The following GTF2E2 variants were observed in gnomAD, a reference collection of about 807,000 sequenced individuals.
GTF2E2 encodes the protein general transcription factor IIE subunit 2.
Under a neutral mutation model 40.5 loss-of-function variants are expected in GTF2E2, and 21 were observed. That is an observed-to-expected ratio of 0.52 (90% CI 0.37 to 0.75). The LOEUF (loss-of-function observed/expected upper bound fraction) is 0.75, where lower values mean the gene tolerates loss of function less well. GTF2E2 is among the 30% of genes least tolerant of loss of function. GTF2E2 has a pLI of 0.00. For missense variants in GTF2E2, 298 were observed against 338.4 expected (o/e 0.88, Z 0.94); for synonymous variants, 117 against 121.6 (o/e 0.96, Z 0.25).
At chr8:30,601,813 G>A (rs1829189145) in intron 6 of GTF2E2, among the ~76,000 whole-genome samples, 1 of 152,150 alleles carries the variant, frequency 6.6e-6, no homozygotes, top group Non-Finnish European at 1.5e-5. Context: ...AATGTACTTT[G>A]TATTTTCAGA....
At chr8:30,617,839 T>C (rs1800967683) in intron 3 of GTF2E2, among the ~76,000 whole-genome samples, 2 of 152,068 alleles carry the variant, frequency 1.3e-5, no homozygotes, top group South Asian at 4.2e-4. Flanking sequence ...GGACAGACCT[T>C]GAATGACGAC....
intron 6 of GTF2E2, among the ~76,000 whole-genome samples, chr8:30,602,491 G>A (rs1288797434): frequency 6.6e-6 from 1 of 152,008 alleles, no homozygotes; most frequent in African/African-American, 2.4e-5. Context: ...CAAATCATTT[G>A]TTATAAGAGT....
intron 6 of GTF2E2, among the ~76,000 whole-genome samples, chr8:30,590,436 G>A (rs1384727781): frequency 6.6e-6 from 1 of 152,216 alleles, no homozygotes; most frequent in Non-Finnish European, 1.5e-5. Context: ...ACACCCAAGA[G>A]TGGGATGGCT....
chr8:30,588,587 T>C (rs1585936501), intron 6 of GTF2E2, among the ~76,000 whole-genome samples: 1 of 152,046 alleles, frequency 6.6e-6, no homozygotes, highest in Non-Finnish European at 1.5e-5. Flanking sequence ...TGAGGAGGTG[T>C]TGGTCCAAAG....
chr8:30,621,315 G>A (rs1440427514), intron 3 of GTF2E2, among the ~76,000 whole-genome samples: 1 of 151,964 alleles, frequency 6.6e-6, no homozygotes, highest in Non-Finnish European at 1.5e-5. Flanking sequence ...AATGACAGAA[G>A]TAATAATCAA....
chr8:30,586,157 A>C (rs1166102076), intron 6 of GTF2E2, among the ~76,000 whole-genome samples: 1 of 152,084 alleles, frequency 6.6e-6, no homozygotes, highest in African/African-American at 2.4e-5. Flanking sequence ...CTTTAACAAC[A>C]CGTGTTATTA....
chr8:30,620,248 A>ACACACG (rs1801050852), intron 3 of GTF2E2, among the ~76,000 whole-genome samples: 3 of 151,690 alleles, frequency 2.0e-5, no homozygotes, highest in Admixed American at 6.6e-5. Context: ...AAACACACAC[A>ACACACG]CACACACACA....
In GTF2E2 at chr8:30,635,034, T is replaced by G. The variant is rs774020566; in HGVS notation, c.256A>C (p.Lys86Gln). Residue 86 changes from lysine (K) to glutamine (Q), a missense_variant and splice_region_variant, in exon 3 of 8, where the codon AAG becomes CAG. Lys to Gln is a moderately conservative substitution (Grantham distance 53). Transcript: ENST00000355904. ...TGCTATCTGAGAAAAGTACTTACCT[T>G]CATGTAATTCACAATCTTAGCAAGA... is the stretch of plus-strand genomic sequence containing the variant. The part of the protein sequence containing the change: ...GVLAKIVNYM[K>Q]TRHQRGDTHP... 1.9e-6 allele frequency: 3 copies of G among 1,554,006 alleles called. No individual in the cohort carries two copies. Among genetic ancestry groups the G allele is most frequent in the Non-Finnish European group, 8.9e-7 (1 of 1,128,510 alleles).
chr8:30,641,589 G>A (rs1157222545), intron 2 of GTF2E2, among the ~76,000 whole-genome samples: 1 of 152,014 alleles, frequency 6.6e-6, no homozygotes, highest in Non-Finnish European at 1.5e-5. Flanking sequence ...CAAACTCCTG[G>A]GCTTGGCCAG....
chr8:30,585,333 C>A (rs1318085554), intron 6 of GTF2E2, among the ~76,000 whole-genome samples: 3 of 152,074 alleles, frequency 2.0e-5, no homozygotes, highest in Non-Finnish European at 4.4e-5. Flanking sequence ...CATCTAACAC[C>A]CATCATAATT....
intron 5 of GTF2E2, among the ~76,000 whole-genome samples, chr8:30,611,481 T>C (rs2151128020): frequency 6.6e-6 from 1 of 151,556 alleles, no homozygotes; most frequent in South Asian, 2.1e-4. Context: ...GAAAACAAAA[T>C]TCAGCAAAGA....
intron 6 of GTF2E2, among the ~76,000 whole-genome samples, chr8:30,593,949 G>A (rs758334306): frequency 5.3e-5 from 8 of 151,166 alleles, no homozygotes; most frequent in African/African-American, 2.0e-4. Flanking sequence ...TCTTTCTTTC[G>A]AGATGGAGTC....
intron 6 of GTF2E2, among the ~76,000 whole-genome samples, chr8:30,590,448 G>A (rs1471615484): frequency 6.6e-6 from 1 of 152,084 alleles, no homozygotes; most frequent in Non-Finnish European, 1.5e-5. Context: ...GGGATGGCTG[G>A]GTTATACAGT....
At chr8:30,644,923 GTA>G (rs1258369971) in intron 2 of GTF2E2, among the ~76,000 whole-genome samples, 1 of 151,576 alleles carries the variant, frequency 6.6e-6, no homozygotes, top group Non-Finnish European at 1.5e-5. Flanking sequence ...GCTAATTTTT[GTA>G]TGTTTTGTAG....
At chr8:30,649,872 A>G (rs1802214297) in intron 2 of GTF2E2, among the ~76,000 whole-genome samples, 1 of 152,238 alleles carries the variant, frequency 6.6e-6, no homozygotes, top group Non-Finnish European at 1.5e-5. Context: ...TGATGAATGA[A>G]TAAACTTCTA....
chr8:30,580,772 GA>G (rs1479889122), intron 6 of GTF2E2, among the ~76,000 whole-genome samples: 1 of 152,126 alleles, frequency 6.6e-6, no homozygotes, highest in African/African-American at 2.4e-5. Context: ...ATTGATAATA[GA>G]AAATAAGAAA....
rs1021352207 is a variant in GTF2E2, at chr8:30,621,806, A to G, written c.259-7091T>C. Among the ~76,000 whole-genome samples, 3 of 151,888 alleles carry G rather than the reference A, an allele frequency of 2.0e-5. No homozygotes were observed. The East Asian group carries it at 5.8e-4, about 29-fold the overall frequency. On this transcript the variant is annotated intron_variant, in intron 3 of 7. Transcript: ENST00000355904. ...TTTTACTTCTTCCTTTCCAATTTTT[A>G]TGTTACTACTTCCTTCGTGCCTTAC...
intron 6 of GTF2E2, among the ~76,000 whole-genome samples, chr8:30,602,602 C>A (rs925188207): frequency 1.3e-5 from 2 of 151,800 alleles, no homozygotes; most frequent in East Asian, 1.9e-4. Flanking sequence ...ACTAAAAATA[C>A]AAAATTAGCC....
chr8:30,593,292 G>A (rs1440680527), intron 6 of GTF2E2, among the ~76,000 whole-genome samples: 3 of 152,136 alleles, frequency 2.0e-5, no homozygotes, highest in Admixed American at 1.3e-4. Flanking sequence ...GTGCTCTTCC[G>A]GACTTCTATA....
Sources: gnomAD v4.1 joint callset for allele counts (sites outside exome capture counted in the v4.1 genomes callset) on GRCh38, gnomAD v4.1.1 for gene constraint, MANE v1.5 for transcripts, NCBI Gene and HGNC (gene_info 2026-07-23, HGNC 2026-07-21) for gene names.